The following MTHFS variants were observed in gnomAD, a reference collection of about 807,000 sequenced individuals.
The protein encoded by MTHFS is methenyltetrahydrofolate synthetase, also known as 5-formyltetrahydrofolate cyclo-ligase.
In MTHFS, 7 loss-of-function variants were observed where a neutral mutation model predicts 12.7. That is an observed-to-expected ratio of 0.55 (90% CI 0.31 to 1.03). The LOEUF (loss-of-function observed/expected upper bound fraction) is 1.03. MTHFS is among the 50% of genes least tolerant of loss of function. The pLI, the probability that MTHFS is intolerant of heterozygous loss-of-function variation, is 0.05. For missense variants in MTHFS, 252 were observed against 258.1 expected (o/e 0.98, Z 0.16); for synonymous variants, 100 against 97.1 (o/e 1.03, Z -0.18).
intron 2 of MTHFS, among the ~76,000 whole-genome samples, chr15:79,870,903 G>A (rs1256534232): frequency 2.0e-5 from 3 of 152,226 alleles, no homozygotes; most frequent in African/African-American, 7.2e-5. Flanking sequence ...AGCACTTTGG[G>A]AGGCCAAAGC....
rs141237050 is a variant in MTHFS, at chr15:79,893,100, A to G, written c.118-3746T>C. On this transcript the variant is annotated intron_variant, in intron 1 of 2. Coordinates refer to ENST00000258874, the MANE Select transcript of MTHFS (RefSeq NM_006441.4). ...AGTAGACTCATTATAGTTACAGAAC[A>G]AAGTTTAAATATTACAAAACCTGGC... Among the ~76,000 whole-genome samples the G allele has an allele frequency of 3.3e-5, 5 of 152,170 alleles. No homozygotes were observed. The East Asian group carries it at 9.7e-4, about 30-fold the overall frequency.
chr15:79,886,395 C>T (rs1318422902), intron 2 of MTHFS, among the ~76,000 whole-genome samples: 1 of 152,170 alleles, frequency 6.6e-6, no homozygotes, highest in Non-Finnish European at 1.5e-5. Context: ...CTATAAACAA[C>T]AACAGCGAGC....
intron 2 of MTHFS, among the ~76,000 whole-genome samples, chr15:79,864,781 A>C (rs1299289399): frequency 6.6e-6 from 1 of 152,124 alleles, no homozygotes; most frequent in Non-Finnish European, 1.5e-5. Context: ...AACAAATACA[A>C]CACTTTAGAA....
chr15:79,875,119 T>G (rs2034169109), intron 2 of MTHFS, among the ~76,000 whole-genome samples: 1 of 152,132 alleles, frequency 6.6e-6, no homozygotes, highest in South Asian at 2.1e-4. Flanking sequence ...CAGTTTATGT[T>G]CAGAGACTGC....
chr15:79,873,666 C>T (rs933727734), intron 2 of MTHFS, among the ~76,000 whole-genome samples: 1 of 152,180 alleles, frequency 6.6e-6, no homozygotes, highest in African/African-American at 2.4e-5. Flanking sequence ...GTCCTCTTAC[C>T]TGGTGAGGTT....
At chr15:79,863,856 A>G (rs954787999) in intron 2 of MTHFS, among the ~76,000 whole-genome samples, 2 of 152,206 alleles carry the variant, frequency 1.3e-5, no homozygotes, top group African/African-American at 4.8e-5. Context: ...TTCTTTTCCA[A>G]GCATCTCACT....
intron 2 of MTHFS, 63 bp from the exon 3 acceptor site, chr15:79,845,505 GT>G: frequency 1.9e-6 from 3 of 1,554,870 alleles, no homozygotes; most frequent in Non-Finnish European, 2.6e-6. Flanking sequence ...TTCAGGATGT[GT>G]TTTTTGTTTT....
intron 2 of MTHFS, among the ~76,000 whole-genome samples, chr15:79,847,282 T>C (rs1021879294): frequency 6.6e-6 from 1 of 151,948 alleles, no homozygotes; most frequent in African/African-American, 2.4e-5. Context: ...GCAGAAGACA[T>C]GAGTGTAGAG....
intron 2 of MTHFS, chr15:79,877,687 G>T (rs918334726): frequency 2.6e-5 from 4 of 151,470 alleles, no homozygotes; most frequent in African/African-American, 9.7e-5. Context: ...GTGACAGAGC[G>T]AGACTCTATC....
At chr15:79,864,375 T>A (rs1202483882) in intron 2 of MTHFS, among the ~76,000 whole-genome samples, 1 of 151,644 alleles carries the variant, frequency 6.6e-6, no homozygotes, top group Non-Finnish European at 1.5e-5. Flanking sequence ...TGAAACCCCA[T>A]ATCTACTAAA....
chr15:79,845,223 G>C lies in MTHFS; in HGVS notation c.599C>G (p.Ser200Trp). The change falls in exon 3 of 3, where the codon TCG (serine) becomes TGG (tryptophan). Residue 200 changes from serine to tryptophan, a missense_variant. Physicochemically the swap from Ser to Trp is radical, Grantham distance 177. Transcript: ENST00000258874. ...MKVDEVLYED[S>W]STA ...AGTAATCCAGATTTAAGCTGTTGAC[G>C]AGTCTTCGTAAAGGACTTCATCTAC... The C allele has an allele frequency of 6.2e-7, 1 of 1,614,126 alleles. No homozygotes were observed. The highest frequency in any genetic ancestry group is 8.5e-7 in the Non-Finnish European group (1 of 1,180,016).
intron 1 of MTHFS, among the ~76,000 whole-genome samples, chr15:79,895,667 T>C (rs2034555521): frequency 6.6e-6 from 1 of 152,232 alleles, no homozygotes; most frequent in South Asian, 2.1e-4. Context: ...AACGAACGAA[T>C]TAACATCTGT....
chr15:79,851,402 G>A (rs1274085665), intron 2 of MTHFS, among the ~76,000 whole-genome samples: 1 of 152,170 alleles, frequency 6.6e-6, no homozygotes, highest in East Asian at 1.9e-4. Flanking sequence ...GATATAATGA[G>A]TAGTCCCCTT....
chr15:79,849,635 C>T (rs1555411158), intron 2 of MTHFS, among the ~76,000 whole-genome samples: 2 of 151,770 alleles, frequency 1.3e-5, no homozygotes, highest in Admixed American at 6.6e-5. Flanking sequence ...ATGCCTCTGG[C>T]ATTGCTCTGT....
chr15:79,880,803 AC>A (rs71150996), intron 2 of MTHFS, among the ~76,000 whole-genome samples: 21,031 of 147,988 alleles, frequency 0.14, 1,529 homozygotes, highest in East Asian at 0.3. Flanking sequence ...AAAAAAAAAA[AC>A]AAACAAAAAA....
chr15:79,852,354 T>C (rs2033730615), intron 2 of MTHFS, among the ~76,000 whole-genome samples: 1 of 152,198 alleles, frequency 6.6e-6, no homozygotes, highest in East Asian at 1.9e-4. Flanking sequence ...ATATTCAACT[T>C]CTGATTATAT....
intron 2 of MTHFS, chr15:79,878,258 AC>A (rs1195032597): frequency 2.0e-5 from 3 of 151,982 alleles, no homozygotes; most frequent in Non-Finnish European, 2.9e-5. Flanking sequence ...CTCGGGGTAA[AC>A]CAGGAGGATC....
intron 1 of MTHFS, 119 bp from the exon 2 acceptor site, chr15:79,889,473 A>AAAAAAACC: frequency 8.2e-7 from 1 of 1,225,216 alleles, no homozygotes; most frequent in Non-Finnish European, 1.1e-6. Flanking sequence ...AAGAAAAAAA[A>AAAAAAACC]AGGGGGGGGG....
chr15:79,864,547 C>CAAAAAAAAAAAAAAAAAAAAA (rs58698908), intron 2 of MTHFS, among the ~76,000 whole-genome samples: 2 of 64,538 alleles, frequency 3.1e-5, no homozygotes, highest in African/African-American at 1.5e-4. Flanking sequence ...TCCATCTCAA[C>CAAAAAAAAAAAAAAAAAAAAA]AAAAAAAAAA....
Sources: allele counts gnomAD v4.1 joint callset (sites outside exome capture counted in the v4.1 genomes callset), GRCh38; gene constraint gnomAD v4.1.1; transcripts MANE v1.5; gene names NCBI Gene and HGNC (gene_info 2026-07-23, HGNC 2026-07-21).